The following JMY variants were observed in gnomAD, a reference collection of about 807,000 sequenced individuals.
The protein encoded by JMY is junction-mediating and -regulatory protein.
Under a neutral mutation model 103.3 loss-of-function variants are expected in JMY, and 46 were observed. The observed-to-expected ratio is 0.45, with a 90% CI of 0.35 to 0.57. JMY has a LOEUF of 0.57. Ranked by LOEUF, JMY falls within the 20% of genes least tolerant of loss-of-function variation. The pLI, the probability that JMY is intolerant of heterozygous loss-of-function variation, is 0.00. For synonymous variants in JMY, 526 were observed against 489.3 expected (o/e 1.07, Z -0.99); for missense variants, 1,238 against 1,255.2 (o/e 0.99, Z 0.21).
chr5:79,261,707 G>A (rs894834396), intron 1 of JMY, among the ~76,000 whole-genome samples: 11 of 152,064 alleles, frequency 7.2e-5, no homozygotes, highest in African/African-American at 2.7e-4. Context: ...AGAGAAAGGC[G>A]TAGACCTGTC....
At chr5:79,312,348 T>G in intron 7 of JMY, 55 bp from the exon 8 acceptor site, 1 of 1,069,054 alleles carries the variant, frequency 9.4e-7, no homozygotes, top group Non-Finnish European at 1.3e-6. Flanking sequence ...TTTTTTCCTA[T>G]TAATGATAAA....
At chr5:79,318,757 T>G (rs5012085) in intron 10 of JMY, among the ~76,000 whole-genome samples, 325 of 24,574 alleles carry the variant, frequency 0.013, 2 homozygotes, top group South Asian at 0.068. Flanking sequence ...TATATATATA[T>G]ATATAGAGAG....
chr5:79,318,565 G>A (rs925918912), intron 10 of JMY, among the ~76,000 whole-genome samples: 1 of 152,000 alleles, frequency 6.6e-6, no homozygotes, highest in Non-Finnish European at 1.5e-5. Flanking sequence ...CTTAAAAAGG[G>A]TAATATTACA....
chr5:79,304,866 G>A (rs1401617098), intron 6 of JMY, among the ~76,000 whole-genome samples: 1 of 152,148 alleles, frequency 6.6e-6, no homozygotes, highest in Non-Finnish European at 1.5e-5. Context: ...TCATTTATAA[G>A]CAAGGGAACC....
At chr5:79,239,849 G>T (rs902514302) in intron 1 of JMY, among the ~76,000 whole-genome samples, 4 of 151,190 alleles carry the variant, frequency 2.6e-5, no homozygotes, top group Admixed American at 1.3e-4. Flanking sequence ...GAGAAAAAGC[G>T]ACTATCTCCG....
chr5:79,295,191 A>G (rs1428048928), intron 4 of JMY, among the ~76,000 whole-genome samples: 5 of 152,198 alleles, frequency 3.3e-5, no homozygotes, highest in Non-Finnish European at 7.4e-5. Flanking sequence ...GAAATGTTCT[A>G]TGTTTACCCT....
At chr5:79,268,284 G>C (rs1338130653) in intron 1 of JMY, among the ~76,000 whole-genome samples, 1 of 152,020 alleles carries the variant, frequency 6.6e-6, no homozygotes, top group Non-Finnish European at 1.5e-5. Flanking sequence ...AAATAAGACT[G>C]TTATGGTGTC....
chr5:79,301,064 A>G (rs893537554), intron 6 of JMY, among the ~76,000 whole-genome samples: 1 of 152,184 alleles, frequency 6.6e-6, no homozygotes, highest in Non-Finnish European at 1.5e-5. Context: ...CTTTACCTCT[A>G]GAAACACTAA....
intron 1 of JMY, among the ~76,000 whole-genome samples, chr5:79,260,557 G>T (rs981579331): frequency 8.4e-5 from 12 of 142,638 alleles, no homozygotes; most frequent in Non-Finnish European, 1.2e-4. Flanking sequence ...ATTTTTGTGG[G>T]TTTTTTTTTT....
chr5:79,264,056 G>T (rs575346677), intron 1 of JMY, among the ~76,000 whole-genome samples: 9 of 152,160 alleles, frequency 5.9e-5, no homozygotes, highest in African/African-American at 2.2e-4. Flanking sequence ...CAAAGTGCTG[G>T]GATTACAGGC....
At position 79,290,220 on chromosome 5, in the gene JMY, A is replaced by G. The variant is rs1746380905; in HGVS notation, c.1306A>G (p.Ile436Val). Residue 436 changes from isoleucine (I) to valine (V), a missense_variant, in exon 3 of 11, where the codon ATT becomes GTT. By Grantham distance (29) the Ile-to-Val change is conservative. Coordinates refer to ENST00000396137, the MANE Select transcript of JMY (RefSeq NM_152405.5). ...QRKAHMAVLSIQDLTVKYFEI... is the reference protein window; with the variant it reads ...QRKAHMAVLSVQDLTVKYFEI... The stretch of plus-strand genomic sequence containing the variant: ...GAAAGCTCACATGGCTGTACTGTCT[A>G]TTCAAGATCTTACTGTCAAGTACTT... 1 of 1,567,848 alleles carries G rather than the reference A, an allele frequency of 6.4e-7. No homozygotes were observed. Among genetic ancestry groups the G allele is most frequent in the East Asian group, 2.3e-5 (1 of 43,216 alleles).
At chr5:79,296,341 T>C (rs944359209) in intron 4 of JMY, among the ~76,000 whole-genome samples, 2 of 152,256 alleles carry the variant, frequency 1.3e-5, no homozygotes, top group Non-Finnish European at 2.9e-5. Context: ...CCCATATTTG[T>C]GCAGTTGTTA....
intron 2 of JMY, among the ~76,000 whole-genome samples, chr5:79,288,219 A>G (rs746639358): frequency 2.4e-4 from 36 of 152,198 alleles, no homozygotes; most frequent in Admixed American, 1.3e-4. Flanking sequence ...CTTTCCTAGT[A>G]TCTCTCATTA....
intron 1 of JMY, among the ~76,000 whole-genome samples, chr5:79,249,411 A>G (rs1283468373): frequency 1.3e-5 from 2 of 152,214 alleles, no homozygotes; most frequent in Admixed American, 6.5e-5. Flanking sequence ...ATGATATGCC[A>G]GCTCATAGTG....
intron 4 of JMY, among the ~76,000 whole-genome samples, chr5:79,294,399 TC>T (rs1260115593): frequency 6.6e-6 from 1 of 152,002 alleles, no homozygotes; most frequent in Non-Finnish European, 1.5e-5. Flanking sequence ...AGAGTGAGAC[TC>T]CGTCTAAAAT....
At chr5:79,257,926 C>T (rs915840799) in intron 1 of JMY, among the ~76,000 whole-genome samples, 8 of 152,080 alleles carry the variant, frequency 5.3e-5, no homozygotes, top group Non-Finnish European at 8.8e-5. Context: ...CAACACCTGG[C>T]TAATTTTTGT....
In JMY at chr5:79,287,309, T is replaced by A. The variant is rs144037772; in HGVS notation, c.1207-2812T>A. Reference sequence around the variant, plus strand: ...TCTATTGGCAAAGGCTAAATGTGATTTGCACTCTCAAACCTAGCATCACAA... The same window carrying A: ...TCTATTGGCAAAGGCTAAATGTGATATGCACTCTCAAACCTAGCATCACAA... On this transcript the variant is annotated intron_variant, in intron 2 of 10. Transcript: ENST00000396137. 3.3e-5 allele frequency among the ~76,000 whole-genome samples: 5 copies of A among 152,260 alleles called. No individual in the cohort carries two copies. In the South Asian group the frequency reaches 1.0e-3, roughly 32 times the overall value.
chr5:79,308,005 G>A (rs1265500723), intron 7 of JMY, among the ~76,000 whole-genome samples: 3 of 152,112 alleles, frequency 2.0e-5, no homozygotes, highest in Non-Finnish European at 4.4e-5. Flanking sequence ...CAAATGTGCT[G>A]GGATTACAGG....
At chr5:79,278,150 G>T in intron 2 of JMY, 67 bp downstream of exon 2, 1 of 1,102,784 alleles carries the variant, frequency 9.1e-7, no homozygotes, top group Non-Finnish European at 1.3e-6. Flanking sequence ...AAGGCCATGC[G>T]TTATCCACAA....
Sources: allele counts gnomAD v4.1 joint callset (sites outside exome capture counted in the v4.1 genomes callset), GRCh38; gene constraint gnomAD v4.1.1; transcripts MANE v1.5; gene names NCBI Gene and HGNC (gene_info 2026-07-23, HGNC 2026-07-21).